Variants in DDIAS observed in about 807,000 individuals in gnomAD.
DDIAS encodes DNA damage-induced apoptosis suppressor protein.
A neutral mutation model predicts 15.7 loss-of-function variants in DDIAS; 14 were observed. The ratio of observed to expected loss-of-function variants is 0.89; its 90% CI spans 0.59 to 1.39. The LOEUF is 1.39. Ranked by LOEUF, DDIAS falls within the 40% of genes most tolerant of loss-of-function variation. The pLI, the probability that DDIAS is intolerant of heterozygous loss-of-function variation, is 0.00. For synonymous variants in DDIAS, 355 were observed against 395.9 expected (o/e 0.90, Z 1.23); for missense variants, 1,035 against 1,130.9 (o/e 0.92, Z 1.22).
At chr11:82,918,065 T>C (rs1860666828) in intron 3 of DDIAS, among the ~76,000 whole-genome samples, 2 of 152,230 alleles carry the variant, frequency 1.3e-5, no homozygotes. Flanking sequence ...TTGTGAAGAT[T>C]TTCTTCCACT....
rs1860920199 is a variant in DDIAS, at chr11:82,928,721, A to G, written c.114-56A>G. 82 of 1,559,744 alleles carry G rather than the reference A, an allele frequency of 5.3e-5. No homozygotes were observed. The South Asian group carries it at 9.0e-4, about 17-fold the overall frequency. On this transcript the variant is annotated intron_variant, in intron 3 of 5. Coordinates refer to ENST00000533655, the MANE Select transcript of DDIAS (RefSeq NM_145018.4). ...AAATTTTTACTGTTCTGGATTTTTC[A>G]TCATATGAAAAACATTTAATGAACA...
Position 82,914,809 on chromosome 11 carries a change from C to G in DDIAS, c.71C>G (p.Ser24Ter). The G allele has an allele frequency of 6.2e-7, 1 of 1,609,488 alleles. No individual in the cohort carries two copies. Among genetic ancestry groups the G allele is most frequent in the South Asian group, 1.1e-5 (1 of 90,912 alleles). ...CAGAATTCAAGTTTTATATATCCAT[C>G]ATGTCAGAAGTGCTTCTCTAGGATA... ...ALQNSSFIYP[S>*]CQKCFSRIIL... The change falls in exon 3 of 6, where the codon TCA becomes TGA. Residue 24 changes from serine (S) to a stop codon, truncating the protein, a stop_gained. Coordinates refer to ENST00000533655, the MANE Select transcript of DDIAS (RefSeq NM_145018.4). LOFTEE classifies it high-confidence loss of function.
chr11:82,914,679 A>G (rs750889159), intron 2 of DDIAS, 44 bp from the exon 3 acceptor site: 5 of 979,204 alleles, frequency 5.1e-6, no homozygotes, highest in African/African-American at 4.9e-5. Flanking sequence ...ATGCACTGCA[A>G]TGAAAGATTT....
At chr11:82,922,434 G>A (rs1449845180) in intron 3 of DDIAS, among the ~76,000 whole-genome samples, 1 of 151,986 alleles carries the variant, frequency 6.6e-6, no homozygotes, top group Admixed American at 6.6e-5. Flanking sequence ...TGTGTTTGTT[G>A]GATTGGGTTA....
At chr11:82,922,974 A>G (rs1860786066) in intron 3 of DDIAS, among the ~76,000 whole-genome samples, 1 of 152,154 alleles carries the variant, frequency 6.6e-6, no homozygotes, top group South Asian at 2.1e-4. Flanking sequence ...GGGTCTAGCC[A>G]TCCAGCCAGT....
intron 3 of DDIAS, 79 bp downstream of exon 3, chr11:82,914,930 C>A: frequency 2.2e-6 from 2 of 908,880 alleles, no homozygotes; most frequent in Non-Finnish European, 3.3e-6. Context: ...GGGCAAGGAC[C>A]AGATTTACCA....
In DDIAS at chr11:82,933,030, C is replaced by T. The variant is rs1397481251; in HGVS notation, c.1692C>T (p.His564=). Reference sequence around the variant, plus strand: ...AGAAGACTATCAGAATCTCACCACACAGGGAGAGTGACCATTCTAGTCTAA... The same window carrying T: ...AGAAGACTATCAGAATCTCACCACATAGGGAGAGTGACCATTCTAGTCTAA... ...TLKKTIRISP[H]RESDHSSLNN... is the part of the protein sequence containing the mutation. Residue 564 remains histidine (H), a synonymous_variant, in exon 6 of 6, where the codon CAC becomes CAT. Transcript: ENST00000533655. The T allele has an allele frequency of 6.2e-7, 1 of 1,607,354 alleles. No homozygotes were observed. The highest frequency in any genetic ancestry group is 8.5e-7 in the Non-Finnish European group (1 of 1,179,292).
chr11:82,929,419 C>G (rs1264679360), intron 4 of DDIAS, among the ~76,000 whole-genome samples: 1 of 151,964 alleles, frequency 6.6e-6, no homozygotes, highest in Non-Finnish European at 1.5e-5. Flanking sequence ...TAAAGCTTTT[C>G]TTGGCCGGGC....
Position 82,933,877 on chromosome 11 carries a change from G to A in DDIAS, c.2539G>A (p.Val847Ile), listed in dbSNP as rs200403739. ...TGTATCTGGTGTTTCACAACCAGAC[G>A]TTTTCAATCACTACCCTTTTGCTGA... Reference protein sequence around the residue: ...PIVSGVSQPDVFNHYPFAECH... With the variant: ...PIVSGVSQPDIFNHYPFAECH... Residue 847 changes from valine (V) to isoleucine (I), a missense_variant, in exon 6 of 6, where the codon GTT becomes ATT. Physicochemically the swap from Val to Ile is conservative, Grantham distance 29. Coordinates refer to ENST00000533655, the MANE Select transcript of DDIAS (RefSeq NM_145018.4). 2.4e-5 allele frequency: 39 copies of A among 1,613,994 alleles called. No individual in the cohort carries two copies. In the Middle Eastern group the frequency reaches 1.2e-3, roughly 48 times the overall value.
intron 4 of DDIAS, 112 bp downstream of exon 4, chr11:82,929,050 C>A: frequency 8.2e-7 from 1 of 1,217,126 alleles, no homozygotes; most frequent in Non-Finnish European, 1.1e-6. Flanking sequence ...CCCAGATTGT[C>A]AATTCCTTTA....
chr11:82,910,803 G>C (rs1244956886), intron 1 of DDIAS, among the ~76,000 whole-genome samples: 9 of 151,582 alleles, frequency 5.9e-5, no homozygotes, highest in Non-Finnish European at 1.2e-4. Flanking sequence ...TTTTTGGAGA[G>C]ATGAGGTCTC....
chr11:82,932,339 T>A lies in DDIAS; in HGVS notation c.1001T>A (p.Val334Asp). The change falls in exon 6 of 6, where the codon GTT (valine) becomes GAT (aspartate). Residue 334 changes from valine to aspartate, a missense_variant. Coordinates refer to ENST00000533655, the MANE Select transcript of DDIAS (RefSeq NM_145018.4). ...CACAGCAGTCATCATGAAATTGGAGTTAATGACTCTAATTTATTCTCTTTG... is the reference window on the plus strand; with the variant it reads ...CACAGCAGTCATCATGAAATTGGAGATAATGACTCTAATTTATTCTCTTTG... Reference protein sequence around the residue: ...AVHSSHHEIGVNDSNLFSLEM... With the variant: ...AVHSSHHEIGDNDSNLFSLEM... The A allele has an allele frequency of 6.2e-7, 1 of 1,613,914 alleles. No individual in the cohort carries two copies. The highest frequency in any genetic ancestry group is 2.2e-5 in the East Asian group (1 of 44,876).
rs1288610851 is a variant in DDIAS, at chr11:82,933,427, T to C, written c.2089T>C (p.Ser697Pro). 2.5e-6 allele frequency: 4 copies of C among 1,613,876 alleles called. 1 individual carries two copies. The Admixed American group carries it at 6.7e-5, about 27-fold the overall frequency. Residue 697 changes from serine to proline, a missense_variant, in exon 6 of 6, where the codon TCA becomes CCA. Transcript: ENST00000533655. ...CATTGCAACTGAGATTACCAAAAAA[T>C]CACAGGATATTTTGTTAAAATGGGG... ...MDIATEITKK[S>P]QDILLKWGTS... is the part of the protein sequence containing the mutation.
intron 3 of DDIAS, among the ~76,000 whole-genome samples, chr11:82,921,364 C>T (rs1472612132): frequency 1.3e-5 from 2 of 151,806 alleles, no homozygotes; most frequent in African/African-American, 2.4e-5. Flanking sequence ...CATTTACATT[C>T]GATGTTAGTA....
intron 3 of DDIAS, among the ~76,000 whole-genome samples, chr11:82,920,875 T>G (rs1397756309): frequency 1.3e-5 from 2 of 152,210 alleles, no homozygotes; most frequent in African/African-American, 2.4e-5. Context: ...ATGCTCTGTA[T>G]ATTATCTGTT....
At chr11:82,904,469 G>A (rs1201860948) in intron 1 of DDIAS, among the ~76,000 whole-genome samples, 1 of 152,174 alleles carries the variant, frequency 6.6e-6, no homozygotes, top group Non-Finnish European at 1.5e-5. Flanking sequence ...GTAAAGAATT[G>A]CAAAATCATC....
chr11:82,909,599 A>G (rs949428442), intron 1 of DDIAS, among the ~76,000 whole-genome samples: 5 of 152,188 alleles, frequency 3.3e-5, no homozygotes, highest in African/African-American at 9.7e-5. Context: ...GACAGTTGCA[A>G]TGGCAAGGAA....
At chr11:82,917,424 C>A (rs1391254962) in intron 3 of DDIAS, among the ~76,000 whole-genome samples, 4 of 151,964 alleles carry the variant, frequency 2.6e-5, no homozygotes, top group Non-Finnish European at 5.9e-5. Context: ...TGAGTTACTT[C>A]ACTTAGAATA....
In DDIAS at chr11:82,933,145, GTC is replaced by G; in HGVS notation, c.1811_1812del (p.Ser604Ter). 6.2e-7 allele frequency: 1 copy of G among 1,609,342 alleles called. No homozygotes were observed. Among genetic ancestry groups the G allele is most frequent in the Non-Finnish European group, 8.5e-7 (1 of 1,179,646 alleles). On this transcript the variant is annotated frameshift_variant, in exon 6 of 6. Coordinates refer to ENST00000533655, the MANE Select transcript of DDIAS (RefSeq NM_145018.4). LOFTEE classifies it low-confidence loss of function (END_TRUNC). The stretch of plus-strand genomic sequence containing the variant: ...TCTGTGTTATAGGAAGTATAATGAT[GTC>G]TCTGATCTTTGCAAATTAGAAAATA... Reference protein sequence around the residue: ...TTLCYRKYNDVSDLCKLENKQ... With the variant: ...TTLCYRKYNDXSDLCKLENKQ...
Sources: allele counts gnomAD v4.1 joint callset (sites outside exome capture counted in the v4.1 genomes callset), GRCh38; gene constraint gnomAD v4.1.1; transcripts MANE v1.5; gene names NCBI Gene and HGNC (gene_info 2026-07-23, HGNC 2026-07-21).